Variants in ARSG observed in about 807,000 individuals in gnomAD.
ARSG encodes the protein ASG.
A neutral mutation model predicts 50.5 loss-of-function variants in ARSG; 37 were observed. The observed-to-expected ratio is 0.73, with a 90% CI of 0.56 to 0.96. The LOEUF is 0.96. ARSG is among the 50% of genes least tolerant of loss of function. The pLI, the probability that ARSG is intolerant of heterozygous loss-of-function variation, is 0.00. For synonymous variants in ARSG, 225 were observed against 254.6 expected, an observed-to-expected ratio of 0.88 and a Z score of 1.11; for missense variants, 629 against 675.3, an observed-to-expected ratio of 0.93 and a Z score of 0.76.
chr17:68,427,059 G>A, downstream of ARSG: 1 of 1,236,780 alleles, frequency 8.1e-7, no homozygotes, highest in East Asian at 2.3e-5. Context: ...AAGGGGGAAG[G>A]GGAGGGAGCG....
intron 2 of ARSG, among the ~76,000 whole-genome samples, chr17:68,322,116 GA>G (rs1435320314): frequency 2.6e-5 from 4 of 152,206 alleles, no homozygotes; most frequent in Non-Finnish European, 5.9e-5. Flanking sequence ...ATTGAGCCCT[GA>G]AAGCATCCGC....
chr17:68,285,916 T>C (rs1438852417), intron 1 of ARSG, among the ~76,000 whole-genome samples: 2 of 152,074 alleles, frequency 1.3e-5, no homozygotes, highest in African/African-American at 4.8e-5. Context: ...CCCGCCACCA[T>C]GCCCAGCTAA....
intron 11 of ARSG, among the ~76,000 whole-genome samples, chr17:68,407,082 A>G (rs1034754702): frequency 1.3e-5 from 2 of 152,178 alleles, no homozygotes; most frequent in Non-Finnish European, 2.9e-5. Flanking sequence ...TCATTCTCCT[A>G]CATGTGGCTA....
At chr17:68,377,224 A>T (rs1467679349) in intron 8 of ARSG, among the ~76,000 whole-genome samples, 1 of 152,174 alleles carries the variant, frequency 6.6e-6, no homozygotes, top group African/African-American at 2.4e-5. Context: ...GGCCAAGGAG[A>T]ATGGAAGGCA....
chr17:68,349,845 G>A (rs993944749), intron 4 of ARSG, among the ~76,000 whole-genome samples: 23 of 152,098 alleles, frequency 1.5e-4, no homozygotes, highest in Non-Finnish European at 3.1e-4. Context: ...TCGTGCCACT[G>A]CACTCCAGCC....
At chr17:68,431,481 CAG>C in the ARSG span, among the ~76,000 whole-genome samples, 12 of 151,978 alleles carry the variant, frequency 7.9e-5, no homozygotes, top group African/African-American at 2.2e-4. Flanking sequence ...AGGTCTGACT[CAG>C]GGGGACGGGA....
At chr17:68,330,635 A>G (rs899926314) in intron 2 of ARSG, among the ~76,000 whole-genome samples, 6 of 152,164 alleles carry the variant, frequency 3.9e-5, no homozygotes, top group Non-Finnish European at 7.4e-5. Context: ...AATAGCTGGT[A>G]TGTAGGGAAA....
intron 1 of ARSG, among the ~76,000 whole-genome samples, chr17:68,260,250 C>T (rs1217161070): frequency 6.6e-6 from 1 of 152,194 alleles, no homozygotes; most frequent in Non-Finnish European, 1.5e-5. Context: ...AAAATGGGAT[C>T]AGATCCCAAG....
chr17:68,378,247 G>A lies in ARSG; in HGVS notation c.983-6817G>A, dbSNP rs76169715. Among the ~76,000 whole-genome samples, 4,241 of 152,304 alleles carry A rather than the reference G, an allele frequency of 0.028. 207 individuals carry two copies. The highest frequency in any genetic ancestry group is 0.1 in the Admixed American group (1,592 of 15,294). ...CAAGAGCAGATGAAAGAGAGAAGGCGGTCAATGTTTTCGCAACGGAGTAGG... is the reference window on the plus strand; with the variant it reads ...CAAGAGCAGATGAAAGAGAGAAGGCAGTCAATGTTTTCGCAACGGAGTAGG... On this transcript the variant is annotated intron_variant, in intron 8 of 11. Transcript: ENST00000621439. This position sits in a 1 kb window ranked among gnomAD's most constrained non-coding sequence, Gnocchi z 4.4.
intron 1 of ARSG, among the ~76,000 whole-genome samples, chr17:68,260,701 C>A (rs1189971399): frequency 3.3e-5 from 5 of 151,968 alleles, no homozygotes; most frequent in African/African-American, 1.2e-4. Flanking sequence ...TCCACATTGT[C>A]CAGGCTGGTC....
rs1481638617 is a variant in ARSG at position 68,378,345 on chromosome 17, C to T, written c.983-6719C>T. On this transcript the variant is annotated intron_variant, in intron 8 of 11. Coordinates refer to ENST00000621439, the MANE Select transcript of ARSG (RefSeq NM_001267727.2). This position sits in a 1 kb window ranked among gnomAD's most constrained non-coding sequence, Gnocchi z 4.4. ...CTGCGTCAGGCCACGTGCTGTCTTC[C>T]CCTGTTCTCAGGGCCCCCAGGCCCC... Among the ~76,000 whole-genome samples the T allele has an allele frequency of 6.6e-6, 1 of 152,246 alleles. No individual in the cohort carries two copies. The highest frequency in any genetic ancestry group is 1.5e-5 in the Non-Finnish European group (1 of 68,038).
At chr17:68,341,197 G>C (rs940858954) in intron 2 of ARSG, among the ~76,000 whole-genome samples, 2 of 152,040 alleles carry the variant, frequency 1.3e-5, no homozygotes, top group African/African-American at 4.8e-5. Flanking sequence ...TCTTTCCTCT[G>C]TGTGGTCATA....
Position 68,401,554 on chromosome 17 carries a change from G to GT in ARSG, c.1303+105dup. On this transcript the variant is annotated intron_variant, in intron 11 of 11. Coordinates refer to ENST00000621439, the MANE Select transcript of ARSG (RefSeq NM_001267727.2). ...GGGAATGAGTGTGAGTCCCTCCTTT[G>GT]TGGGGGGTTCTCAGCACCTCTTGAC... is the stretch of plus-strand genomic sequence containing the variant. 2.9e-6 allele frequency: 3 copies of GT among 1,030,560 alleles called. No homozygotes were observed. The South Asian group carries it at 4.6e-5, about 16-fold the overall frequency. The allele number at this position is 1,030,560 out of a possible 1,614,324, so 63.8% of individuals were successfully genotyped here.
intron 8 of ARSG, among the ~76,000 whole-genome samples, chr17:68,382,100 G>A (rs1412644509): frequency 1.3e-5 from 2 of 151,860 alleles, no homozygotes; most frequent in African/African-American, 2.4e-5. Flanking sequence ...ACAGGCATGC[G>A]CCACCACGCC....
intron 11 of ARSG, among the ~76,000 whole-genome samples, chr17:68,419,542 A>T (rs528699304): frequency 7.9e-5 from 12 of 152,206 alleles, no homozygotes; most frequent in African/African-American, 2.9e-4. Flanking sequence ...GTGCCATTGC[A>T]CTCCAGCCTG....
At chr17:68,331,192 T>C (rs1293762173) in intron 2 of ARSG, among the ~76,000 whole-genome samples, 1 of 40,616 alleles carries the variant, frequency 2.5e-5, no homozygotes, top group East Asian at 6.5e-4. Flanking sequence ...TTTCTTTCTT[T>C]CTTTCTTTCT....
chr17:68,375,593 C>A (rs2146852160), intron 8 of ARSG, among the ~76,000 whole-genome samples: 1 of 152,330 alleles, frequency 6.6e-6, no homozygotes, highest in East Asian at 1.9e-4. Context: ...TCCTTGGTCA[C>A]ACCAGCCACA....
chr17:68,417,864 G>A (rs1022331559), intron 11 of ARSG, among the ~76,000 whole-genome samples: 4 of 146,684 alleles, frequency 2.7e-5, no homozygotes, highest in African/African-American at 5.0e-5. Flanking sequence ...CCAGGTAGCC[G>A]GGATTACAGG....
chr17:68,343,898 G>C, intron 3 of ARSG, 107 bp downstream of exon 3: 1 of 1,167,620 alleles, frequency 8.6e-7, no homozygotes, highest in South Asian at 1.6e-5. Flanking sequence ...ATGTCTTGCT[G>C]TGTGAGTTAG....
Sources: gnomAD v4.1 joint callset for allele counts (sites outside exome capture counted in the v4.1 genomes callset) on GRCh38, gnomAD v4.1.1 for gene constraint, Gnocchi (gnomAD v3.1) non-coding constraint, MANE v1.5 for transcripts, NCBI Gene and HGNC (gene_info 2026-07-23, HGNC 2026-07-21) for gene names.